The following LNPEP variants were observed in gnomAD, a reference collection of about 807,000 sequenced individuals.
LNPEP encodes the protein leucyl-cystinyl aminopeptidase.
A neutral mutation model predicts 120.6 loss-of-function variants in LNPEP; 64 were observed. The ratio of observed to expected loss-of-function variants is 0.53; its 90% CI spans 0.43 to 0.65. LNPEP has a LOEUF of 0.65. LNPEP is among the 30% of genes least tolerant of loss of function. The pLI, the probability that LNPEP is intolerant of heterozygous loss-of-function variation, is 0.00. For missense variants in LNPEP, 1,057 were observed against 1,200.0 expected (o/e 0.88, Z 1.76); for synonymous variants, 435 against 425.4 (o/e 1.02, Z -0.28).
At chr5:96,998,502 TC>T (rs1790571512) in intron 8 of LNPEP, among the ~76,000 whole-genome samples, 1 of 152,170 alleles carries the variant, frequency 6.6e-6, no homozygotes, top group Non-Finnish European at 1.5e-5. Context: ...TGCTGTCAGG[TC>T]AGGACTGCCA....
At position 97,011,088 on chromosome 5, in the gene LNPEP, AGGTATTCC is replaced by A. The variant is rs1166759007; in HGVS notation, c.2036-2558_2036-2551del. 4.1e-6 allele frequency: 4 copies of A among 985,446 alleles called. No homozygotes were observed. In the East Asian group the frequency reaches 3.4e-4, roughly 84 times the overall value. 61.0% of individuals were successfully genotyped at this position (985,446 alleles called of 1,614,324 possible). On this transcript the variant is annotated intron_variant, in intron 11 of 17. Transcript: ENST00000231368. ...AACATGGCAAGCTGCTTATCAACCA[AGGTATTCC>A]GTATGTATTTCAATGTTTTCTGCAT...
rs954332414 is a variant in LNPEP, at chr5:97,035,371, G to C, written c.*6838G>C. 5.9e-5 allele frequency: 9 copies of C among 152,134 alleles called. No homozygotes were observed. Among genetic ancestry groups the C allele is most frequent in the African/African-American group, 2.2e-4 (9 of 41,428 alleles). The allele number at this position is 152,134 out of a possible 1,614,324, so 9.4% of individuals were successfully genotyped here. ...TTCCTTATTGCCTGTGTCGGCAATAGGAAGTAGAATAGTTGTGTGTTGTTT... is the reference window on the plus strand; with the variant it reads ...TTCCTTATTGCCTGTGTCGGCAATACGAAGTAGAATAGTTGTGTGTTGTTT... On this transcript the variant is annotated 3_prime_UTR_variant, in exon 18 of 18. Coordinates refer to ENST00000231368, the MANE Select transcript of LNPEP (RefSeq NM_005575.3).
intron 1 of LNPEP, among the ~76,000 whole-genome samples, chr5:96,951,264 G>T (rs564361379): frequency 6.6e-5 from 10 of 150,552 alleles, no homozygotes; most frequent in Admixed American, 4.6e-4. Context: ...TCTTTTTTTG[G>T]CGGGGGGCGC....
At chr5:96,983,581 G>T (rs1310410351) in intron 2 of LNPEP, among the ~76,000 whole-genome samples, 1 of 152,076 alleles carries the variant, frequency 6.6e-6, no homozygotes, top group Non-Finnish European at 1.5e-5. Context: ...GAGTAGCTGG[G>T]ATTACAGGCA....
At chr5:96,995,263 A>G (rs1357710537) in intron 6 of LNPEP, among the ~76,000 whole-genome samples, 1 of 152,206 alleles carries the variant, frequency 6.6e-6, no homozygotes, top group African/African-American at 2.4e-5. Context: ...TTAAAATAAT[A>G]TCTTAGAAAA....
chr5:97,034,927 T>C lies in LNPEP; in HGVS notation c.*6394T>C, dbSNP rs1335383016. The C allele has an allele frequency of 6.6e-6, 1 of 151,966 alleles. No individual in the cohort carries two copies. Among genetic ancestry groups the C allele is most frequent in the Non-Finnish European group, 1.5e-5 (1 of 67,968 alleles). 9.4% of individuals were successfully genotyped at this position (151,966 alleles called of 1,614,324 possible). ...TTTTGGGGGTGTCTGAGTGTATATG[T>C]GTGTGTATATACACACAAGAACACA... On this transcript the variant is annotated 3_prime_UTR_variant, in exon 18 of 18. Coordinates refer to ENST00000231368, the MANE Select transcript of LNPEP (RefSeq NM_005575.3).
At chr5:97,001,421 G>C (rs112843207) in intron 8 of LNPEP, among the ~76,000 whole-genome samples, 27 of 152,272 alleles carry the variant, frequency 1.8e-4, no homozygotes, top group Non-Finnish European at 3.5e-4. Context: ...GGGAAAGAAG[G>C]GGGAAGAAAC....
chr5:96,943,878 A>G (rs1437879380), intron 1 of LNPEP, among the ~76,000 whole-genome samples: 1 of 152,238 alleles, frequency 6.6e-6, no homozygotes, highest in Non-Finnish European at 1.5e-5. Context: ...GTAGTCACTG[A>G]ACCAGAACTT....
intron 1 of LNPEP, among the ~76,000 whole-genome samples, chr5:96,958,170 T>G (rs78766180): frequency 0.015 from 2,311 of 152,322 alleles, 52 homozygotes; most frequent in South Asian, 0.088. Context: ...TTCAGCAAGT[T>G]TTTGACCCTA....
At chr5:96,985,399 G>A (rs1342368666) in intron 3 of LNPEP, among the ~76,000 whole-genome samples, 181 bp downstream of exon 3, 2 of 152,148 alleles carry the variant, frequency 1.3e-5, no homozygotes, top group Admixed American at 1.3e-4. Flanking sequence ...GTCACCTTGA[G>A]GAGGACTTGA....
intron 14 of LNPEP, among the ~76,000 whole-genome samples, chr5:97,024,074 G>A (rs1791278871): frequency 6.6e-6 from 1 of 152,154 alleles, no homozygotes. Context: ...TTTGGATAAC[G>A]TTTTGAGGTC....
intron 14 of LNPEP, among the ~76,000 whole-genome samples, chr5:97,023,315 G>T (rs1165021227): frequency 6.6e-6 from 1 of 151,790 alleles, no homozygotes; most frequent in Non-Finnish European, 1.5e-5. Context: ...GTGCAGTGGC[G>T]CGATCTCAGC....
rs766148293 is a variant in LNPEP at position 96,985,067 on chromosome 5, G to T, written c.861-13G>T. ...GCTCAGTAACTACTGGATTGAATTT[G>T]TGTTTGTTTTAGGTACTTTGCAGCA... On this transcript the variant is annotated splice_polypyrimidine_tract_variant and intron_variant, in intron 2 of 17. Transcript: ENST00000231368. 1 of 1,613,510 alleles carries T rather than the reference G, an allele frequency of 6.2e-7. No individual in the cohort carries two copies. The highest frequency in any genetic ancestry group is 8.5e-7 in the Non-Finnish European group (1 of 1,179,608).
intron 15 of LNPEP, among the ~76,000 whole-genome samples, chr5:97,026,119 T>C (rs1791334310): frequency 6.6e-6 from 1 of 152,212 alleles, no homozygotes; most frequent in South Asian, 2.1e-4. Context: ...ATACCTACTT[T>C]ATAGCATTGT....
At chr5:96,985,879 G>A (rs1275658894) in intron 3 of LNPEP, among the ~76,000 whole-genome samples, 1 of 151,948 alleles carries the variant, frequency 6.6e-6, no homozygotes, top group Non-Finnish European at 1.5e-5. Context: ...AGCCAATCCT[G>A]TAGGCAGCAG....
intron 11 of LNPEP, among the ~76,000 whole-genome samples, chr5:97,012,415 T>A (rs529589454): frequency 1.3e-5 from 2 of 152,288 alleles, no homozygotes; most frequent in East Asian, 3.9e-4. Context: ...GGGGTAAAAA[T>A]TATATAATAA....
intron 16 of LNPEP, among the ~76,000 whole-genome samples, chr5:97,026,961 A>G (rs541874666): frequency 6.6e-6 from 1 of 152,306 alleles, no homozygotes; most frequent in South Asian, 2.1e-4. Context: ...CATTCCATCT[A>G]AGTTCTAATT....
chr5:96,944,403 A>G (rs1789132558), intron 1 of LNPEP, among the ~76,000 whole-genome samples: 1 of 152,090 alleles, frequency 6.6e-6, no homozygotes, highest in African/African-American at 2.4e-5. Flanking sequence ...GCTTGATGTT[A>G]TACATTTTAG....
At chr5:96,944,657 C>T (rs959704075) in intron 1 of LNPEP, among the ~76,000 whole-genome samples, 1 of 149,672 alleles carries the variant, frequency 6.7e-6, no homozygotes. Context: ...CAAACTCCGC[C>T]GCCCAGGTTC....
Sources: gnomAD v4.1 joint callset for allele counts (sites outside exome capture counted in the v4.1 genomes callset) on GRCh38, gnomAD v4.1.1 for gene constraint, MANE v1.5 for transcripts, NCBI Gene and HGNC (gene_info 2026-07-23, HGNC 2026-07-21) for gene names.